Variants in USP34 observed in about 807,000 individuals in gnomAD.
USP34 encodes the protein ubiquitin carboxyl-terminal hydrolase 34.
In USP34, 70 loss-of-function variants were observed where a neutral mutation model predicts 460.3. That is an observed-to-expected ratio of 0.15 (90% CI 0.13 to 0.19). The LOEUF is 0.19. Ranked by LOEUF, USP34 falls within the 10% of genes least tolerant of loss-of-function variation. The pLI, the probability that USP34 is intolerant of heterozygous loss-of-function variation, is 1.00. For synonymous variants in USP34, 1,647 were observed against 1,405.3 expected, an observed-to-expected ratio of 1.17 and a Z score of -3.85; for missense variants, 3,985 against 4,236.2, an observed-to-expected ratio of 0.94 and a Z score of 1.65.
In USP34 at chr2:61,296,888, T is replaced by C; in HGVS notation, c.4166A>G (p.Asn1389Ser). The C allele has an allele frequency of 6.2e-7, 1 of 1,613,848 alleles. No homozygotes were observed. Among genetic ancestry groups the C allele is most frequent in the Middle Eastern group, 1.7e-4 (1 of 6,060 alleles). Reference sequence around the variant, plus strand: ...TAGCTCCCAGACCCGCCTAGACAGATTTTCTGCATGAAGATGAAGTTCTTC... The same window carrying C: ...TAGCTCCCAGACCCGCCTAGACAGACTTTCTGCATGAAGATGAAGTTCTTC... ...RCEELHLHAE[N>S]LSRRVWELLM... Residue 1389 changes from asparagine to serine, a missense_variant, in exon 30 of 80, where the codon AAT (asparagine) becomes AGT (serine). Around this residue, in one of 14 missense-constraint regions of USP34, gnomAD observed 1,114 missense variants for 1,122.5 expected, o/e 0.99. Coordinates refer to ENST00000398571, the MANE Select transcript of USP34 (RefSeq NM_014709.4).
intron 20 of USP34, among the ~76,000 whole-genome samples, chr2:61,326,714 A>C (rs1316586473): frequency 6.6e-6 from 1 of 151,780 alleles, no homozygotes; most frequent in Non-Finnish European, 1.5e-5. Flanking sequence ...CTGCTTTGCC[A>C]ACATAAAACA....
chr2:61,468,954 A>G lies in USP34; in HGVS notation c.43+1696T>C, dbSNP rs529639034. On this transcript the variant is annotated intron_variant, in intron 1 of 79. Transcript: ENST00000398571. ...CCAGGCGCAGTGGCTCACGCCTGTA[A>G]TCCCAGCACTTTGGGAGGCCGAGGC... 2.0e-5 allele frequency among the ~76,000 whole-genome samples: 3 copies of G among 152,318 alleles called. No individual in the cohort carries two copies. In the East Asian group the frequency reaches 5.8e-4, roughly 29 times the overall value.
intron 15 of USP34, among the ~76,000 whole-genome samples, chr2:61,346,959 GA>G (rs1558541555): frequency 6.6e-6 from 1 of 151,636 alleles, no homozygotes; most frequent in Non-Finnish European, 1.5e-5. Flanking sequence ...TCAACACGGT[GA>G]AACCCCATCT....
intron 8 of USP34, 70 bp from the exon 9 acceptor site, chr2:61,370,649 T>G: frequency 7.0e-7 from 1 of 1,433,332 alleles, no homozygotes; most frequent in Non-Finnish European, 9.6e-7. Context: ...AAAGGTAGAG[T>G]CAATTGAAAA....
intron 1 of USP34, among the ~76,000 whole-genome samples, chr2:61,446,814 T>A (rs200709903): frequency 2.1e-5 from 3 of 140,346 alleles, no homozygotes; most frequent in Non-Finnish European, 4.7e-5. Context: ...AAAAAAAAAA[T>A]TCCACTGATC....
In USP34 at chr2:61,348,285, C is replaced by T. The variant is rs754372782; in HGVS notation, c.1870G>A (p.Asp624Asn). The change falls in exon 15 of 80, where the codon GAT (aspartate) becomes AAT (asparagine). Residue 624 changes from aspartate (D) to asparagine (N), a missense_variant. Coordinates refer to ENST00000398571, the MANE Select transcript of USP34 (RefSeq NM_014709.4). ...TTATGACCATGATCATCGTCTTCAT[C>T]TTCCTCTTTGAGGGCTTCAATATCT... ...IADIEALKEE[D>N]EDDDHGHNPP... 6 of 1,614,106 alleles carry T rather than the reference C, an allele frequency of 3.7e-6. No homozygotes were observed. In the Admixed American group the frequency reaches 8.3e-5, roughly 22 times the overall value.
intron 67 of USP34, among the ~76,000 whole-genome samples, chr2:61,216,294 T>C (rs1277114427): frequency 6.6e-6 from 1 of 152,058 alleles, no homozygotes; most frequent in East Asian, 1.9e-4. Context: ...GAAAAGTAAT[T>C]TACGATTTAA....
At position 61,348,880 on chromosome 2, in the gene USP34, G is replaced by T; in HGVS notation, c.1550C>A (p.Pro517His). The change falls in exon 14 of 80, where the codon CCT becomes CAT. Residue 517 changes from proline (P) to histidine (H), a missense_variant. By Grantham distance (77) the Pro-to-His change is moderately conservative. Around this residue, in one of 14 missense-constraint regions of USP34, gnomAD observed 716 missense variants for 626.2 expected, o/e 1.14. Transcript: ENST00000398571. ...LRRTAPSPWS[P>H]AASPQSSDNS... is the part of the protein sequence containing the mutation. ...ATCACTGCTTTGAGGACTAGCTGCA[G>T]GTGACCCTATATAAAATACATTTTT... The T allele has an allele frequency of 1.2e-6, 2 of 1,608,038 alleles. No homozygotes were observed. Among genetic ancestry groups the T allele is most frequent in the Non-Finnish European group, 1.7e-6 (2 of 1,178,132 alleles).
intron 2 of USP34, among the ~76,000 whole-genome samples, chr2:61,414,777 C>T (rs937301966): frequency 2.6e-5 from 4 of 152,144 alleles, no homozygotes; most frequent in African/African-American, 4.8e-5. Flanking sequence ...TAAATACCCT[C>T]TAGAGGTTTC....
intron 23 of USP34, 34 bp from the exon 24 acceptor site, chr2:61,315,008 GT>G: frequency 2.5e-6 from 4 of 1,568,812 alleles, no homozygotes; most frequent in Non-Finnish European, 2.6e-6. Flanking sequence ...TCTAAATTTT[GT>G]TTGTCAAACT....
At chr2:61,365,853 T>A (rs1225436986) in intron 10 of USP34, among the ~76,000 whole-genome samples, 1 of 152,160 alleles carries the variant, frequency 6.6e-6, no homozygotes, top group South Asian at 2.1e-4. Context: ...CTGTACTTTA[T>A]AATAAAAAGA....
chr2:61,236,191 A>G lies in USP34; in HGVS notation c.6888T>C (p.Asp2296=), dbSNP rs1374715079. The change falls in exon 55 of 80, where the codon GAT becomes GAC. Residue 2296 remains aspartate, a synonymous_variant. Coordinates refer to ENST00000398571, the MANE Select transcript of USP34 (RefSeq NM_014709.4). Reference sequence around the variant, plus strand: ...CTGTCATTAAGGACACAGCTTTAGGATCTGGTAATGTACTGGGAATACAAC... The same window carrying G: ...CTGTCATTAAGGACACAGCTTTAGGGTCTGGTAATGTACTGGGAATACAAC... The part of the protein sequence containing the change: ...LCSCIPSTLP[D]PKAVSLMTAK... The G allele has an allele frequency of 6.2e-7, 1 of 1,612,080 alleles. No individual in the cohort carries two copies. The highest frequency in any genetic ancestry group is 1.1e-5 in the South Asian group (1 of 90,440).
chr2:61,278,296 G>C lies in USP34; in HGVS notation c.5313-11C>G, dbSNP rs759273849. On this transcript the variant is annotated splice_polypyrimidine_tract_variant and intron_variant, in intron 40 of 79. Transcript: ENST00000398571. ...TCAAGGATCTCCCTACTACAAAAAA[G>C]AAAAAAAATACACACAAGCAAGATA... 18 of 1,607,370 alleles carry C rather than the reference G, an allele frequency of 1.1e-5. No homozygotes were observed. The East Asian group carries it at 4.0e-4, about 36-fold the overall frequency.
In USP34 at chr2:61,314,453, A is replaced by T. The variant is rs1267352723; in HGVS notation, c.3542+132T>A. 6 of 761,710 alleles carry T rather than the reference A, an allele frequency of 7.9e-6. No homozygotes were observed. In the South Asian group the frequency reaches 1.2e-4, roughly 15 times the overall value. The allele number at this position is 761,710 out of a possible 1,614,324, so 47.2% of individuals were successfully genotyped here. A position where few individuals can be genotyped will look rare whatever the true frequency, so the allele number is the denominator to read the frequency against. On this transcript the variant is annotated intron_variant, in intron 25 of 79. Transcript: ENST00000398571. ...TTAATAAAAATTACTTATGTTACTG[A>T]TCCTTCACTTTGGTAAATTATGCTT...
intron 5 of USP34, among the ~76,000 whole-genome samples, chr2:61,388,649 A>G (rs1693244205): frequency 6.6e-6 from 1 of 151,962 alleles, no homozygotes; most frequent in Non-Finnish European, 1.5e-5. Context: ...CCAGCTACTC[A>G]GGAGGCTGAT....
At chr2:61,310,939 T>C (rs1161002614) in intron 27 of USP34, among the ~76,000 whole-genome samples, 1 of 152,114 alleles carries the variant, frequency 6.6e-6, no homozygotes, top group East Asian at 1.9e-4. Flanking sequence ...AAAATAGAAT[T>C]TTTTGAGAAA....
intron 53 of USP34, among the ~76,000 whole-genome samples, chr2:61,239,967 C>A (rs1387696224): frequency 6.7e-6 from 1 of 149,310 alleles, no homozygotes; most frequent in Non-Finnish European, 1.5e-5. Context: ...GCTGAGATCC[C>A]GTCACTGCAC....
Position 61,188,283 on chromosome 2 carries a change from T to C in USP34, c.10460A>G (p.Asp3487Gly). The change falls in exon 80 of 80, where the codon GAT becomes GGT. Residue 3487 changes from aspartate to glycine, a missense_variant. Coordinates refer to ENST00000398571, the MANE Select transcript of USP34 (RefSeq NM_014709.4). ...LSDLADLRSCDGQALPSQDPE... is the reference protein window; with the variant it reads ...LSDLADLRSCGGQALPSQDPE... ...GTCCTGGGAGGGCAAAGCTTGGCCA[T>C]CACAGCTTCTCAAGTCAGCTAAGTC... The C allele has an allele frequency of 6.2e-7, 1 of 1,613,880 alleles. No homozygotes were observed.
At chr2:61,236,462 C>T (rs922361863) in intron 53 of USP34, 73 bp from the exon 54 acceptor site, 7 of 1,143,356 alleles carry the variant, frequency 6.1e-6, no homozygotes, top group Middle Eastern at 2.8e-4. Context: ...TTTTATTAGA[C>T]AAAAAGTCTC....
Sources: allele counts gnomAD v4.1 joint callset (sites outside exome capture counted in the v4.1 genomes callset), GRCh38; gene constraint gnomAD v4.1.1; regional missense constraint gnomAD v4.1.1; transcripts MANE v1.5; gene names NCBI Gene and HGNC (gene_info 2026-07-23, HGNC 2026-07-21).